The following ARRB1 variants were observed in gnomAD, a reference collection of about 807,000 sequenced individuals.
The protein encoded by ARRB1 is beta-arrestin-1.
ARRB1 carries 21 observed loss-of-function variants against 56.8 expected under a neutral mutation model. The observed-to-expected ratio is 0.37, with a 90% CI of 0.26 to 0.53. ARRB1 has a LOEUF of 0.53. ARRB1 is among the 20% of genes least tolerant of loss of function. The pLI is 0.88. For missense variants in ARRB1, 424 were observed against 553.7 expected (o/e 0.77, Z 2.35); for synonymous variants, 210 against 218.6 (o/e 0.96, Z 0.35).
chr11:75,277,199 C>A (rs1444040039), intron 9 of ARRB1, among the ~76,000 whole-genome samples, 165 bp downstream of exon 9: 1 of 152,230 alleles, frequency 6.6e-6, no homozygotes, highest in Non-Finnish European at 1.5e-5. Context: ...AAGCAGCCTG[C>A]CTTACCCAAC....
At chr11:75,336,530 C>T (rs927658708) in intron 1 of ARRB1, among the ~76,000 whole-genome samples, 4 of 152,114 alleles carry the variant, frequency 2.6e-5, no homozygotes, top group African/African-American at 7.2e-5. Context: ...ACCTACTCTA[C>T]GAATCTTTAT....
rs71036046 is a variant in ARRB1 at position 75,337,786 on chromosome 11, CTTTTTTTTTTTTTTTTTT to C, written c.20+13784_20+13801del. Among the ~76,000 whole-genome samples, 6 of 38,488 alleles carry C rather than the reference CTTTTTTTTTTTTTTTTTT, an allele frequency of 1.6e-4. No individual in the cohort carries two copies. The South Asian group carries it at 8.0e-3, about 51-fold the overall frequency. 25.2% of individuals were successfully genotyped at this position (38,488 alleles called of 152,430 possible). A position where few individuals can be genotyped will look rare whatever the true frequency, so the allele number is the denominator to read the frequency against. On this transcript the variant is annotated intron_variant, in intron 1 of 15. Coordinates refer to ENST00000420843, the MANE Select transcript of ARRB1 (RefSeq NM_004041.5). ...TGTTCAATGAATTTCATTGAAATGT[CTTTTTTTTTTTTTTTTTT>C]TTTTTTTTTTTTTGAGACGGAGATT...
intron 1 of ARRB1, among the ~76,000 whole-genome samples, chr11:75,321,235 G>A (rs1433419318): frequency 1.3e-5 from 2 of 150,820 alleles, no homozygotes; most frequent in Non-Finnish European, 1.5e-5. Flanking sequence ...CCCACCCCAC[G>A]TGGAAGAAAA....
Position 75,265,582 on chromosome 11 carries a change from A to C in ARRB1, c.*581T>G, listed in dbSNP as rs1194293957. ...TCTACGAACTTTCACCAACATCACT[A>C]TCAGACACAGAGGGACATCAGGTGG... On this transcript the variant is annotated 3_prime_UTR_variant, in exon 16 of 16. Transcript: ENST00000420843. 6.4e-6 allele frequency: 1 copy of C among 155,184 alleles called. No individual in the cohort carries two copies. Among genetic ancestry groups the C allele is most frequent in the Non-Finnish European group, 1.4e-5 (1 of 69,724 alleles). The allele number at this position is 155,184 out of a possible 1,614,324, so 9.6% of individuals were successfully genotyped here.
chr11:75,281,951 G>C lies in ARRB1; in HGVS notation c.414+11C>G. The C allele has an allele frequency of 6.2e-7, 1 of 1,613,806 alleles. No individual in the cohort carries two copies. The highest frequency in any genetic ancestry group is 8.5e-7 in the Non-Finnish European group (1 of 1,179,700). On this transcript the variant is annotated intron_variant, in intron 6 of 15. Transcript: ENST00000420843. ...TGGAGCCAGAGAGATGGTCCCCTTG[G>C]GGTGACCTACCTTCCCCGTGTCTTC...
At chr11:75,311,872 C>G (rs1947169093) in intron 1 of ARRB1, among the ~76,000 whole-genome samples, 1 of 152,208 alleles carries the variant, frequency 6.6e-6, no homozygotes, top group African/African-American at 2.4e-5. Context: ...ACCCTCCTCT[C>G]ATCCCCAGCA....
rs540624054 is a variant in ARRB1, at chr11:75,285,397, C to A, written c.113-1118G>T. Reference sequence around the variant, plus strand: ...GGCCAGAAACACTGGCTCAGGGTCACCCCCTTGGCTGACATCCCCTGTCTA... The same window carrying A: ...GGCCAGAAACACTGGCTCAGGGTCAACCCCTTGGCTGACATCCCCTGTCTA... On this transcript the variant is annotated intron_variant, in intron 3 of 15. Transcript: ENST00000420843. 4.6e-5 allele frequency among the ~76,000 whole-genome samples: 7 copies of A among 152,312 alleles called. No homozygotes were observed. In the East Asian group the frequency reaches 1.2e-3, roughly 25 times the overall value.
intron 7 of ARRB1, among the ~76,000 whole-genome samples, chr11:75,280,261 G>A (rs1182489634): frequency 6.6e-6 from 1 of 152,136 alleles, no homozygotes; most frequent in Non-Finnish European, 1.5e-5. Flanking sequence ...AGAAGCAAGG[G>A]AGAAAAGTCC....
intron 1 of ARRB1, among the ~76,000 whole-genome samples, chr11:75,321,209 G>GCACGTGGAAGAAAATCCCACCC (rs1365237232): frequency 1.3e-5 from 2 of 152,030 alleles, no homozygotes; most frequent in Non-Finnish European, 2.9e-5. Context: ...TATGACCTCA[G>GCACGTGGAAGAAAATCCCACCC]CACGTGGAAG....
At position 75,283,280 on chromosome 11, in the gene ARRB1, TCCTGA is replaced by T; in HGVS notation, c.354+2_354+6del. 1 of 1,588,682 alleles carries T rather than the reference TCCTGA, an allele frequency of 6.3e-7. No individual in the cohort carries two copies. Among genetic ancestry groups the T allele is most frequent in the Non-Finnish European group, 8.6e-7 (1 of 1,163,886 alleles). ...GGAATGGGGCCCCAGGGATGGCAGT[TCCTGA>T]CCTCAAAGGTGAAAGGGTAAGCGTG... On this transcript the variant is annotated splice_donor_variant and splice_donor_5th_base_variant and intron_variant, in intron 5 of 15. Transcript: ENST00000420843. LOFTEE classifies it high-confidence loss of function.
At chr11:75,300,202 CAAAA>C (rs10557397) in intron 1 of ARRB1, among the ~76,000 whole-genome samples, 1 of 87,332 alleles carries the variant, frequency 1.1e-5, no homozygotes. Flanking sequence ...GACTCTGTCT[CAAAA>C]AAAAAAAAAA....
At chr11:75,341,580 T>C (rs1947693944) in intron 1 of ARRB1, among the ~76,000 whole-genome samples, 1 of 152,280 alleles carries the variant, frequency 6.6e-6, no homozygotes, top group South Asian at 2.1e-4. Context: ...AAGTGAGCAG[T>C]AGAGCAGAGT....
Position 75,278,685 on chromosome 11 carries a change from TG to T in ARRB1, c.541del (p.Gln181SerfsTer19). On this transcript the variant is annotated frameshift_variant, in exon 8 of 16. Coordinates refer to ENST00000420843, the MANE Select transcript of ARRB1 (RefSeq NM_004041.5). LOFTEE classifies it high-confidence loss of function. Reference sequence around the variant, plus strand: ...CTGCCTGGTGGTCTCGGCTGTGGGCTGGGGGCCAGGCCTCTCTGGGGCATAC... The same window carrying T: ...CTGCCTGGTGGTCTCGGCTGTGGGCTGGGGCCAGGCCTCTCTGGGGCATAC... ...VQYAPERPGP[Q>X]PTAETTRQFL... is the part of the protein sequence containing the mutation. 1 of 1,614,122 alleles carries T rather than the reference TG, an allele frequency of 6.2e-7. No individual in the cohort carries two copies. Among genetic ancestry groups the T allele is most frequent in the Non-Finnish European group, 8.5e-7 (1 of 1,179,994 alleles).
chr11:75,318,413 GGCACGGTGGCTCATGCCGATAATCCCA>G (rs1055087360), intron 1 of ARRB1, among the ~76,000 whole-genome samples: 1 of 152,112 alleles, frequency 6.6e-6, no homozygotes, highest in Non-Finnish European at 1.5e-5. Flanking sequence ...CCCATGGCTG[GGCACGGTGGCTCATGCCGATAATCCCA>G]GAACTTTGGG....
intron 1 of ARRB1, among the ~76,000 whole-genome samples, chr11:75,319,780 A>C (rs1411640875): frequency 6.6e-6 from 1 of 152,150 alleles, no homozygotes. Context: ...AAGGGACCGT[A>C]AGGGTCCCCA....
chr11:75,331,804 T>C (rs1000454023), intron 1 of ARRB1, among the ~76,000 whole-genome samples: 1 of 151,982 alleles, frequency 6.6e-6, no homozygotes, highest in Admixed American at 6.5e-5. Flanking sequence ...AACTCATCAG[T>C]TGGGTTTTAT....
intron 12 of ARRB1, chr11:75,272,642 G>A: frequency 2.0e-6 from 1 of 504,040 alleles, no homozygotes; most frequent in Non-Finnish European, 3.6e-6. Flanking sequence ...CCAGACCTAG[G>A]ATAGAGGAGG....
chr11:75,337,721 A>G (rs1290475584), intron 1 of ARRB1, among the ~76,000 whole-genome samples: 3 of 151,170 alleles, frequency 2.0e-5, no homozygotes, highest in Admixed American at 2.0e-4. Context: ...GGGAGCAGTC[A>G]AGGGAGGGCT....
intron 1 of ARRB1, among the ~76,000 whole-genome samples, chr11:75,292,432 C>T (rs560080435): frequency 4.6e-5 from 7 of 152,284 alleles, no homozygotes; most frequent in South Asian, 2.1e-4. Flanking sequence ...TGAGCCACCG[C>T]GTCCAGCTTC....
Sources: allele counts gnomAD v4.1 joint callset (sites outside exome capture counted in the v4.1 genomes callset), GRCh38; gene constraint gnomAD v4.1.1; transcripts MANE v1.5; gene names NCBI Gene and HGNC (gene_info 2026-07-23, HGNC 2026-07-21).